POPDC3: variants seen among roughly 807,000 people sequenced by gnomAD.
The protein encoded by POPDC3 is popeye domain-containing protein 3.
A neutral mutation model predicts 28.2 loss-of-function variants in POPDC3; 20 were observed. The observed-to-expected ratio is 0.71, with a 90% CI of 0.50 to 1.03. POPDC3 has a LOEUF of 1.03. Ranked by LOEUF, POPDC3 falls within the 50% of genes least tolerant of loss-of-function variation. The pLI, the probability that POPDC3 is intolerant of heterozygous loss-of-function variation, is 0.00. For synonymous variants in POPDC3, 118 were observed against 124.1 expected, an observed-to-expected ratio of 0.95 and a Z score of 0.33; for missense variants, 316 against 345.9, an observed-to-expected ratio of 0.91 and a Z score of 0.69.
chr6:105,158,619 G>T lies in POPDC3; in HGVS notation c.727C>A (p.Leu243Ile), dbSNP rs755547219. The change falls in exon 4 of 4, where the codon CTC becomes ATC. Residue 243 changes from leucine (L) to isoleucine (I), a missense_variant. Coordinates refer to ENST00000254765, the MANE Select transcript of POPDC3 (RefSeq NM_022361.5). ...TATACCCTGTCATTCAAGGCATAGA[G>T]TTTATCTGCAATGTCACTGCCAATT... ...VLIGSDIADK[L>I]YALNDRVYIG... 1 of 1,614,146 alleles carries T rather than the reference G, an allele frequency of 6.2e-7. No homozygotes were observed. Among genetic ancestry groups the T allele is most frequent in the South Asian group, 1.1e-5 (1 of 91,082 alleles).
chr6:105,174,022 G>A (rs567598317), intron 1 of POPDC3, among the ~76,000 whole-genome samples: 2 of 152,178 alleles, frequency 1.3e-5, no homozygotes, highest in South Asian at 4.1e-4. Context: ...ACTCCGGGCA[G>A]AAAAAGCAAA....
intron 1 of POPDC3, among the ~76,000 whole-genome samples, chr6:105,167,058 G>A (rs990197768): frequency 2.6e-5 from 4 of 151,790 alleles, no homozygotes; most frequent in African/African-American, 9.7e-5. Flanking sequence ...AATAAGCTTG[G>A]GATAAGGCTT....
chr6:105,166,835 T>TA (rs1774465059), intron 1 of POPDC3: 1 of 329,944 alleles, frequency 3.0e-6, no homozygotes, highest in Non-Finnish European at 6.2e-6. Flanking sequence ...TTGGGTTACA[T>TA]ATTCAAGCAT....
intron 1 of POPDC3, among the ~76,000 whole-genome samples, chr6:105,175,796 C>T (rs549136959): frequency 2.6e-5 from 4 of 152,082 alleles, no homozygotes; most frequent in African/African-American, 7.2e-5. Context: ...GAGCTAAGAT[C>T]GCACCACTGC....
At chr6:105,179,368 C>T (rs191235952) in intron 1 of POPDC3, among the ~76,000 whole-genome samples, 276 of 152,252 alleles carry the variant, frequency 1.8e-3, no homozygotes, top group Middle Eastern at 6.8e-3. Flanking sequence ...AGGAAACTCC[C>T]GGCGCTGGCA....
At chr6:105,173,201 A>G (rs181550595) in intron 1 of POPDC3, among the ~76,000 whole-genome samples, 18 of 152,344 alleles carry the variant, frequency 1.2e-4, no homozygotes, top group Admixed American at 1.2e-3. Flanking sequence ...CATTACCAAG[A>G]TTTAATATAA....
At chr6:105,173,533 T>C (rs550693000) in intron 1 of POPDC3, among the ~76,000 whole-genome samples, 1 of 152,302 alleles carries the variant, frequency 6.6e-6, no homozygotes, top group South Asian at 2.1e-4. Context: ...TATTATTTCA[T>C]AGCTCCAAAA....
chr6:105,177,382 T>A (rs1422343732), intron 1 of POPDC3, among the ~76,000 whole-genome samples: 1 of 152,062 alleles, frequency 6.6e-6, no homozygotes, highest in African/African-American at 2.4e-5. Context: ...TTTGAACACA[T>A]ACAAAAATAG....
intron 1 of POPDC3, chr6:105,166,488 G>C: frequency 2.3e-6 from 1 of 440,548 alleles, no homozygotes; most frequent in Non-Finnish European, 4.7e-6. Context: ...AGGGAAAAGA[G>C]ACACCAGAAC....
At chr6:105,165,020 G>C (rs1255429682) in intron 1 of POPDC3, among the ~76,000 whole-genome samples, 1 of 152,310 alleles carries the variant, frequency 6.6e-6, no homozygotes, top group East Asian at 1.9e-4. Flanking sequence ...ATTGCCACGA[G>C]GGAGGCAGAA....
intron 1 of POPDC3, among the ~76,000 whole-genome samples, chr6:105,167,974 G>A (rs1481115561): frequency 6.6e-6 from 1 of 152,106 alleles, no homozygotes; most frequent in Non-Finnish European, 1.5e-5. Flanking sequence ...GAAAAGACTT[G>A]GCATGATGCT....
chr6:105,164,384 G>A (rs779490591), intron 1 of POPDC3, among the ~76,000 whole-genome samples: 1 of 152,140 alleles, frequency 6.6e-6, no homozygotes, highest in South Asian at 2.1e-4. Flanking sequence ...AAGGGGAACT[G>A]TGCTTCCATC....
intron 1 of POPDC3, among the ~76,000 whole-genome samples, chr6:105,163,144 A>T (rs925329521): frequency 6.6e-6 from 1 of 152,262 alleles, no homozygotes; most frequent in African/African-American, 2.4e-5. Flanking sequence ...GAAATATTTA[A>T]TAAATTAGAT....
chr6:105,169,017 G>A (rs771952222), intron 1 of POPDC3: 9 of 152,160 alleles, frequency 5.9e-5, no homozygotes, highest in Non-Finnish European at 1.2e-4. Context: ...GGGAGGTCCT[G>A]AGCAGAAGAT....
chr6:105,173,321 A>C (rs150644947), intron 1 of POPDC3, among the ~76,000 whole-genome samples: 6 of 152,322 alleles, frequency 3.9e-5, no homozygotes, highest in African/African-American at 1.4e-4. Context: ...ATGGAGGTTA[A>C]ATTTTCTTTA....
chr6:105,166,208 C>T (rs1022103706), intron 1 of POPDC3, among the ~76,000 whole-genome samples: 1 of 152,176 alleles, frequency 6.6e-6, no homozygotes, highest in Admixed American at 6.5e-5. Context: ...TCTAAAATGA[C>T]ATGACTCTGT....
At chr6:105,159,890 G>T in intron 2 of POPDC3, 71 bp from the exon 3 acceptor site, 2 of 980,958 alleles carry the variant, frequency 2.0e-6, no homozygotes, top group Non-Finnish European at 1.6e-6. Flanking sequence ...GGGGTGGGGG[G>T]TAGAGGAAGT....
rs1175162842 is a variant in POPDC3, at chr6:105,179,837, C to T, written c.-256G>A. 2 of 152,132 alleles carry T rather than the reference C, an allele frequency of 1.3e-5. No individual in the cohort carries two copies. The highest frequency in any genetic ancestry group is 2.9e-5 in the Non-Finnish European group (2 of 68,048). The allele number at this position is 152,132 out of a possible 1,614,324, so 9.4% of individuals were successfully genotyped here. On this transcript the variant is annotated 5_prime_UTR_variant, in exon 1 of 4. Transcript: ENST00000254765. The stretch of plus-strand genomic sequence containing the variant: ...CCCCCGGGCTCACCTTCTTACCTTT[C>T]CTTCCCAGCCCTGCCCGGAGCTTCA...
rs1464558823 is a variant in POPDC3, at chr6:105,172,802, C to T, written c.-252+7031G>A. Among the ~76,000 whole-genome samples the T allele has an allele frequency of 2.0e-5, 3 of 147,198 alleles. 1 individual carries two copies. The highest frequency in any genetic ancestry group is 3.0e-5 in the Non-Finnish European group (2 of 67,326). The stretch of plus-strand genomic sequence containing the variant: ...ATTGCAAGGACAAAAAACCAAACAC[C>T]GCATGTTCTCACTCATAGGTGGGAA... On this transcript the variant is annotated intron_variant, in intron 1 of 3. Transcript: ENST00000254765.
Sources: gnomAD v4.1 joint callset for allele counts (sites outside exome capture counted in the v4.1 genomes callset) on GRCh38, gnomAD v4.1.1 for gene constraint, MANE v1.5 for transcripts, NCBI Gene and HGNC (gene_info 2026-07-23, HGNC 2026-07-21) for gene names.